Variants in PAPOLG observed in about 807,000 individuals in gnomAD.
PAPOLG encodes the protein PAP-gamma.
Under a neutral mutation model 99.0 loss-of-function variants are expected in PAPOLG, and 40 were observed. The observed-to-expected ratio is 0.40, with a 90% CI of 0.31 to 0.53. The LOEUF is 0.53. PAPOLG is among the 20% of genes least tolerant of loss of function. The probability of loss-of-function intolerance (pLI) is 0.41; values close to 1 mark genes in which losing one functional copy is unlikely to be tolerated. For missense variants in PAPOLG, 675 were observed against 884.1 expected (o/e 0.76, Z 3.00); for synonymous variants, 310 against 299.3 (o/e 1.04, Z -0.37).
chr2:60,785,778 C>T (rs1294571572), intron 13 of PAPOLG, among the ~76,000 whole-genome samples: 1 of 151,710 alleles, frequency 6.6e-6, no homozygotes, highest in Non-Finnish European at 1.5e-5. Flanking sequence ...GTGATCCTCC[C>T]GCCTCAGCTT....
intron 5 of PAPOLG, among the ~76,000 whole-genome samples, chr2:60,770,081 C>CA (rs1435931484): frequency 1.3e-5 from 2 of 152,130 alleles, no homozygotes; most frequent in African/African-American, 4.8e-5. Flanking sequence ...CATGTCCCTG[C>CA]AAAGAACATG....
chr2:60,785,679 A>G (rs1573247126), intron 13 of PAPOLG, among the ~76,000 whole-genome samples: 1 of 146,836 alleles, frequency 6.8e-6, no homozygotes, highest in East Asian at 2.0e-4. Context: ...CCTTGCTACC[A>G]TACCTGGCTG....
At chr2:60,782,627 G>A in intron 11 of PAPOLG, 59 bp from the exon 12 acceptor site, 1 of 1,358,806 alleles carries the variant, frequency 7.4e-7, no homozygotes, top group Non-Finnish European at 9.5e-7. Context: ...TTTAAGAGCT[G>A]GTCCCTTTTC....
chr2:60,761,716 T>A, intron 2 of PAPOLG, 25 bp from the exon 3 acceptor site: 7 of 1,576,860 alleles, frequency 4.4e-6, no homozygotes, highest in Non-Finnish European at 5.2e-6. Flanking sequence ...TTGTTTGTTT[T>A]AATCTGAAGC....
At chr2:60,784,083 C>G (rs754948665) in intron 13 of PAPOLG, among the ~76,000 whole-genome samples, 5 of 152,196 alleles carry the variant, frequency 3.3e-5, no homozygotes, top group Non-Finnish European at 7.4e-5. Context: ...AAGCAATTCT[C>G]TGCCTCAGCC....
At chr2:60,775,007 G>T in intron 7 of PAPOLG, 27 bp from the exon 8 acceptor site, 2 of 1,611,334 alleles carry the variant, frequency 1.2e-6, no homozygotes, top group South Asian at 1.1e-5. Context: ...GCTGCATAGT[G>T]AAAAATGAAT....
chr2:60,762,422 G>C lies in PAPOLG; in HGVS notation c.246+615G>C, dbSNP rs138364037. ...AGTCCTCCCTTGGTATCCTCCGGGGGATTGGTTCTGGGACCTCCAAAGATA... is the reference window on the plus strand; with the variant it reads ...AGTCCTCCCTTGGTATCCTCCGGGGCATTGGTTCTGGGACCTCCAAAGATA... On this transcript the variant is annotated intron_variant, in intron 3 of 21. Transcript: ENST00000238714. 8.9e-3 allele frequency among the ~76,000 whole-genome samples: 1,348 copies of C among 152,088 alleles called. 15 individuals are homozygous for C. The highest frequency in any genetic ancestry group is 0.026 in the South Asian group (124 of 4,824).
chr2:60,789,124 C>G (rs1321433178), intron 15 of PAPOLG, among the ~76,000 whole-genome samples: 2 of 150,536 alleles, frequency 1.3e-5, no homozygotes, highest in African/African-American at 4.9e-5. Flanking sequence ...GGGAACTGAA[C>G]AATGAGAATA....
At chr2:60,777,336 A>T (rs911700298) in intron 8 of PAPOLG, among the ~76,000 whole-genome samples, 1 of 152,104 alleles carries the variant, frequency 6.6e-6, no homozygotes, top group African/African-American at 2.4e-5. Flanking sequence ...CGTGCCTGTA[A>T]TCCCAGCTAC....
Position 60,780,704 on chromosome 2 carries a change from C to T in PAPOLG, c.834-3C>T, listed in dbSNP as rs1322907400. 4.3e-6 allele frequency: 7 copies of T among 1,613,754 alleles called. No homozygotes were observed. Among genetic ancestry groups the T allele is most frequent in the Non-Finnish European group, 5.9e-6 (7 of 1,179,896 alleles). On this transcript the variant is annotated splice_polypyrimidine_tract_variant and splice_region_variant and intron_variant, in intron 9 of 21. Transcript: ENST00000238714. ...GTAAGTTAATTTGCCTTATTCATGT[C>T]AGGGAATGGCCAAATCCTGTGCTGC...
chr2:60,768,912 A>G, intron 5 of PAPOLG, 22 bp downstream of exon 5: 2 of 1,507,768 alleles, frequency 1.3e-6, no homozygotes, highest in South Asian at 1.3e-5. Flanking sequence ...CTGGCATTTA[A>G]TATTTTGAAT....
At position 60,800,643 on chromosome 2, in the gene PAPOLG, C is replaced by T. The variant is rs1183967550; in HGVS notation, c.*3483C>T. ...GCTAAACTTATTTTCCACTATGTTC[C>T]ACACCTTTGAAATAGGAATTCCTAA... On this transcript the variant is annotated 3_prime_UTR_variant, in exon 22 of 22. Transcript: ENST00000238714. 1 of 152,244 alleles carries T rather than the reference C, an allele frequency of 6.6e-6. No individual in the cohort carries two copies. Among genetic ancestry groups the T allele is most frequent in the Non-Finnish European group, 1.5e-5 (1 of 68,020 alleles). 9.4% of individuals were successfully genotyped at this position (152,244 alleles called of 1,614,324 possible).
chr2:60,780,071 T>C (rs573067173), intron 9 of PAPOLG, among the ~76,000 whole-genome samples: 56 of 152,336 alleles, frequency 3.7e-4, no homozygotes, highest in South Asian at 1.0e-3. Context: ...ATGGAGATGA[T>C]AATCACATTG....
intron 7 of PAPOLG, among the ~76,000 whole-genome samples, chr2:60,773,623 C>T (rs575391870): frequency 4.6e-5 from 7 of 150,824 alleles, no homozygotes; most frequent in African/African-American, 1.5e-4. Context: ...ACTATCATGC[C>T]TTGGTCATTT....
At chr2:60,793,132 A>C (rs954889182) in intron 17 of PAPOLG, among the ~76,000 whole-genome samples, 2 of 149,402 alleles carry the variant, frequency 1.3e-5, no homozygotes, top group African/African-American at 5.0e-5. Context: ...TTGAGCCCGG[A>C]AGGTTGAGGC....
At chr2:60,761,062 G>A (rs1351713835) in intron 2 of PAPOLG, among the ~76,000 whole-genome samples, 1 of 152,166 alleles carries the variant, frequency 6.6e-6, no homozygotes, top group Non-Finnish European at 1.5e-5. Flanking sequence ...GGTTCTTAGG[G>A]TTTAATGACT....
At chr2:60,788,129 T>C (rs897624220) in intron 15 of PAPOLG, among the ~76,000 whole-genome samples, 2 of 151,880 alleles carry the variant, frequency 1.3e-5, no homozygotes, top group Non-Finnish European at 2.9e-5. Context: ...CTGTGTACAC[T>C]GTGCTATTTA....
At chr2:60,781,801 C>A in intron 10 of PAPOLG, 84 bp from the exon 11 acceptor site, 2 of 1,547,266 alleles carry the variant, frequency 1.3e-6, no homozygotes, top group Non-Finnish European at 1.8e-6. Context: ...ATTTATATTT[C>A]ATATTCTTCA....
At position 60,768,562 on chromosome 2, in the gene PAPOLG, T is replaced by C; in HGVS notation, c.328+11T>C. On this transcript the variant is annotated intron_variant, in intron 4 of 21. Transcript: ENST00000238714. ...GAGTACACACCAAAGGTAACTGCTTTTCTGTGTTCTAGTGCTAAGAACATT... is the reference window on the plus strand; with the variant it reads ...GAGTACACACCAAAGGTAACTGCTTCTCTGTGTTCTAGTGCTAAGAACATT... 6.4e-7 allele frequency: 1 copy of C among 1,573,842 alleles called. No individual in the cohort carries two copies. The highest frequency in any genetic ancestry group is 8.7e-7 in the Non-Finnish European group (1 of 1,145,270).
Sources: allele counts gnomAD v4.1 joint callset (sites outside exome capture counted in the v4.1 genomes callset), GRCh38; gene constraint gnomAD v4.1.1; transcripts MANE v1.5; gene names NCBI Gene and HGNC (gene_info 2026-07-23, HGNC 2026-07-21).